The following PTPRB variants were observed in gnomAD, a reference collection of about 807,000 sequenced individuals.
PTPRB encodes receptor-type tyrosine-protein phosphatase beta.
In PTPRB, 97 loss-of-function variants were observed where a neutral mutation model predicts 238.1. The ratio of observed to expected loss-of-function variants is 0.41; its 90% confidence interval spans 0.35 to 0.48. PTPRB has a LOEUF of 0.48. Among genes scored for constraint, PTPRB ranks in the 20% least tolerant of loss-of-function variants. The pLI is 0.30. For synonymous variants in PTPRB, 970 were observed against 995.4 expected, an observed-to-expected ratio of 0.97 and a Z score of 0.48; for missense variants, 2,292 against 2,681.9, an observed-to-expected ratio of 0.85 and a Z score of 3.21.
At chr12:70,633,651 C>T (rs930095596) in intron 2 of PTPRB, among the ~76,000 whole-genome samples, 1 of 152,002 alleles carries the variant, frequency 6.6e-6, no homozygotes. Context: ...AATTTCTTTC[C>T]CCAACACATA....
At chr12:70,618,560 C>T (rs1341443080) in intron 3 of PTPRB, among the ~76,000 whole-genome samples, 1 of 152,182 alleles carries the variant, frequency 6.6e-6, no homozygotes, top group Non-Finnish European at 1.5e-5. Context: ...AGCCAGGTTT[C>T]TCTGACACAG....
chr12:70,524,859 ATG>A lies in PTPRB; in HGVS notation c.6505-270_6505-269del, dbSNP rs200984866. Among the ~76,000 whole-genome samples, 351 of 150,472 alleles carry A rather than the reference ATG, an allele frequency of 2.3e-3. 1 individual carries two copies. Among genetic ancestry groups the A allele is most frequent in the African/African-American group, 8.3e-3 (340 of 41,098 alleles). ...TATATGTGTGTATATATGTGTGTAT[ATG>A]TGTGTATATATGTGTGTATATATGT... On this transcript the variant is annotated intron_variant, in intron 32 of 33. Transcript: ENST00000334414.
At chr12:70,588,728 G>A (rs1488823094) in intron 8 of PTPRB, among the ~76,000 whole-genome samples, 1 of 152,128 alleles carries the variant, frequency 6.6e-6, no homozygotes, top group Non-Finnish European at 1.5e-5. Context: ...CAAGGTAGGC[G>A]GACTGCTTGA....
At position 70,559,735 on chromosome 12, in the gene PTPRB, G is replaced by T. The variant is rs773620189; in HGVS notation, c.4433-111C>A. The T allele has an allele frequency of 7.0e-6, 7 of 999,254 alleles. No individual in the cohort carries two copies. In the Admixed American group the frequency reaches 1.0e-4, roughly 15 times the overall value. The allele number at this position is 999,254 out of a possible 1,614,324, so 61.9% of individuals were successfully genotyped here. On this transcript the variant is annotated intron_variant, in intron 17 of 33. Transcript: ENST00000334414. ...ACTTTTAATGTACTTTGTAGGAAGA[G>T]ATAATATGATAATAATATAGTAGCA...
At chr12:70,547,734 T>C (rs1876231633) in intron 21 of PTPRB, among the ~76,000 whole-genome samples, 1 of 152,088 alleles carries the variant, frequency 6.6e-6, no homozygotes, top group African/African-American at 2.4e-5. Context: ...CTTGAACTCC[T>C]GGGCTCAAGC....
Position 70,622,691 on chromosome 12 carries a change from A to G in PTPRB, c.452-45T>C, listed in dbSNP as rs776193609. On this transcript the variant is annotated intron_variant, in intron 2 of 33. Coordinates refer to ENST00000334414, the MANE Select transcript of PTPRB (RefSeq NM_001109754.4). ...GTTGCAAAGATTATTCTCATGTTTT[A>G]TGAATTCTTCACATAAAATCAATTT... 71 of 1,496,892 alleles carry G rather than the reference A, an allele frequency of 4.7e-5. 2 individuals are homozygous for G. In the South Asian group the frequency reaches 9.0e-4, roughly 19 times the overall value. The allele number at this position is 1,496,892 out of a possible 1,614,324, so 92.7% of individuals were successfully genotyped here.
Position 70,608,402 on chromosome 12 carries a change from T to C in PTPRB, c.979+667A>G, listed in dbSNP as rs563679399. 1.1e-4 allele frequency among the ~76,000 whole-genome samples: 17 copies of C among 152,210 alleles called. No homozygotes were observed. In the South Asian group the frequency reaches 3.6e-3, roughly 32 times the overall value. On this transcript the variant is annotated intron_variant, in intron 4 of 33. Transcript: ENST00000334414. ...GAATGACCTAAGTCTAACACTCCCATTTTACAGATAAGAAAACTGAGGCAA... is the reference window on the plus strand; with the variant it reads ...GAATGACCTAAGTCTAACACTCCCACTTTACAGATAAGAAAACTGAGGCAA...
intron 14 of PTPRB, among the ~76,000 whole-genome samples, chr12:70,567,518 G>T (rs1262247533): frequency 6.6e-6 from 1 of 152,156 alleles, no homozygotes; most frequent in South Asian, 2.1e-4. Context: ...TCAAATACGA[G>T]TTTTATTTCT....
intron 18 of PTPRB, 68 bp downstream of exon 18, chr12:70,559,275 G>A: frequency 1.0e-5 from 15 of 1,464,556 alleles, no homozygotes; most frequent in Non-Finnish European, 1.4e-5. Context: ...AGCCCTATTT[G>A]AGTAAGATGT....
At chr12:70,579,054 T>C (rs1881089132) in intron 10 of PTPRB, among the ~76,000 whole-genome samples, 1 of 152,136 alleles carries the variant, frequency 6.6e-6, no homozygotes, top group Non-Finnish European at 1.5e-5. Context: ...AATAGAGGCA[T>C]CCAATCATGA....
chr12:70,637,280 C>T (rs1189435557), intron 1 of PTPRB, 61 bp downstream of exon 1: 1 of 1,467,188 alleles, frequency 6.8e-7, no homozygotes, highest in Non-Finnish European at 9.4e-7. Context: ...CTTCAAAGAC[C>T]AGGGACTCCT....
chr12:70,606,145 C>A (rs1018989297), intron 4 of PTPRB, among the ~76,000 whole-genome samples: 2 of 152,142 alleles, frequency 1.3e-5, no homozygotes, highest in Non-Finnish European at 2.9e-5. Context: ...AGCTCTGTTG[C>A]CACTTTCATC....
chr12:70,581,446 C>T (rs1212237314), intron 9 of PTPRB, 144 bp from the exon 10 acceptor site: 15 of 901,940 alleles, frequency 1.7e-5, no homozygotes, highest in Admixed American at 2.9e-5. Context: ...GTTCTATTTC[C>T]TGTGGCATAT....
Position 70,592,367 on chromosome 12 carries a change from C to A in PTPRB, c.1695G>T (p.Glu565Asp). ...CTTGATAAAGTCGACCGGGGACTAA[C>A]TCTTTAAAGTGAGTTTCAGTAATCC... ...APWITETHFK[E>D]LVPGRLYQVT... is the part of the protein sequence containing the mutation. Residue 565 changes from glutamate to aspartate, a missense_variant, in exon 7 of 34, where the codon GAG (glutamate) becomes GAT (aspartate). Around this residue, in one of 4 missense-constraint regions of PTPRB, gnomAD observed 1,205 missense variants for 1,287.8 expected, o/e 0.94. Coordinates refer to ENST00000334414, the MANE Select transcript of PTPRB (RefSeq NM_001109754.4). 1 of 1,613,960 alleles carries A rather than the reference C, an allele frequency of 6.2e-7. No individual in the cohort carries two copies. Among genetic ancestry groups the A allele is most frequent in the Middle Eastern group, 1.6e-4 (1 of 6,062 alleles).
At chr12:70,627,619 T>C (rs927287513) in intron 2 of PTPRB, among the ~76,000 whole-genome samples, 2 of 152,060 alleles carry the variant, frequency 1.3e-5, no homozygotes, top group Admixed American at 1.3e-4. Context: ...CCCTGATAAG[T>C]TCAGTGACAT....
At chr12:70,592,927 A>G (rs1450333833) in intron 6 of PTPRB, among the ~76,000 whole-genome samples, 1 of 152,186 alleles carries the variant, frequency 6.6e-6, no homozygotes, top group Admixed American at 6.5e-5. Context: ...AAGACCTACA[A>G]TGGTCCTTTC....
Position 70,592,545 on chromosome 12 carries a change from G to A in PTPRB, c.1517C>T (p.Ala506Val). Residue 506 changes from alanine to valine, a missense_variant and splice_region_variant, in exon 7 of 34, where the codon GCC becomes GTC. Coordinates refer to ENST00000334414, the MANE Select transcript of PTPRB (RefSeq NM_001109754.4). ...QNYRWKLVRT[A>V]PMEVSNLKVT... ...CTTCAGATTTGAGACTTCCATGGGG[G>A]CTAATCAGGAAAGAACAGAAAGGAG... 4.3e-6 allele frequency: 7 copies of A among 1,612,904 alleles called. No homozygotes were observed. Among genetic ancestry groups the A allele is most frequent in the Non-Finnish European group, 5.9e-6 (7 of 1,179,478 alleles).
intron 8 of PTPRB, 42 bp downstream of exon 8, chr12:70,589,922 A>G: frequency 6.3e-7 from 1 of 1,579,136 alleles, no homozygotes; most frequent in South Asian, 1.2e-5. Flanking sequence ...AGAGGGAACA[A>G]ATTACTCTTC....
intron 18 of PTPRB, among the ~76,000 whole-genome samples, chr12:70,557,406 C>T (rs1877863879): frequency 6.6e-6 from 1 of 152,162 alleles, no homozygotes; most frequent in Non-Finnish European, 1.5e-5. Context: ...CAAAACATAA[C>T]AAAACAAAAA....
Sources: allele counts gnomAD v4.1 joint callset (sites outside exome capture counted in the v4.1 genomes callset), GRCh38; gene constraint gnomAD v4.1.1; regional missense constraint gnomAD v4.1.1; transcripts MANE v1.5; gene names NCBI Gene and HGNC (gene_info 2026-07-23, HGNC 2026-07-21).